SCFD2: variants seen among roughly 807,000 people sequenced by gnomAD.
The protein encoded by SCFD2 is sec1 family domain containing 2, also known as sec1 family domain-containing protein 2.
A neutral mutation model predicts 58.9 loss-of-function variants in SCFD2; 54 were observed. That is an observed-to-expected ratio of 0.92 (90% CI 0.74 to 1.15). SCFD2 has a LOEUF of 1.15. Ranked by LOEUF, SCFD2 falls within the 50% of genes most tolerant of loss-of-function variation. The pLI is 0.00. For missense variants in SCFD2, 805 were observed against 836.6 expected, an observed-to-expected ratio of 0.96 and a Z score of 0.47; for synonymous variants, 321 against 335.9, an observed-to-expected ratio of 0.96 and a Z score of 0.49.
At chr4:53,229,660 G>T (rs1471625034) in intron 4 of SCFD2, among the ~76,000 whole-genome samples, 8 of 152,048 alleles carry the variant, frequency 5.3e-5, no homozygotes, top group South Asian at 4.2e-4. Flanking sequence ...CCTAAAACCA[G>T]GAAAACCCTA....
chr4:53,077,239 C>T (rs892378747), intron 5 of SCFD2, among the ~76,000 whole-genome samples: 3 of 152,052 alleles, frequency 2.0e-5, no homozygotes, highest in Non-Finnish European at 2.9e-5. Context: ...TAATAGAATT[C>T]CTTTAAGTGC....
At chr4:53,339,205 G>A (rs1277928534) in intron 2 of SCFD2, among the ~76,000 whole-genome samples, 1 of 151,976 alleles carries the variant, frequency 6.6e-6, no homozygotes, top group Non-Finnish European at 1.5e-5. Context: ...GAAATATTAA[G>A]ATGACTAAAT....
intron 4 of SCFD2, among the ~76,000 whole-genome samples, chr4:53,161,920 G>A (rs1200272459): frequency 2.0e-5 from 3 of 152,052 alleles, no homozygotes; most frequent in Non-Finnish European, 2.9e-5. Context: ...TGATTCTGTT[G>A]GCCCCAGGTT....
intron 4 of SCFD2, among the ~76,000 whole-genome samples, chr4:53,208,969 G>C (rs1236960892): frequency 6.6e-6 from 1 of 152,064 alleles, no homozygotes; most frequent in African/African-American, 2.4e-5. Flanking sequence ...ACAAACCCTA[G>C]TTTGAATTCC....
intron 4 of SCFD2, among the ~76,000 whole-genome samples, chr4:53,201,440 A>T (rs1052809346): frequency 3.9e-5 from 6 of 151,990 alleles, no homozygotes; most frequent in Non-Finnish European, 8.8e-5. Flanking sequence ...GACATTTGGG[A>T]TGGTTTCAAG....
intron 4 of SCFD2, among the ~76,000 whole-genome samples, chr4:53,229,098 C>T (rs1383285043): frequency 6.6e-6 from 1 of 152,114 alleles, no homozygotes; most frequent in Non-Finnish European, 1.5e-5. Flanking sequence ...GAACTACAAA[C>T]CACTGCTCAA....
At chr4:53,363,605 G>A (rs1431766350) in intron 1 of SCFD2, among the ~76,000 whole-genome samples, 2 of 152,028 alleles carry the variant, frequency 1.3e-5, no homozygotes, top group Non-Finnish European at 2.9e-5. Context: ...AGGCCGAGGC[G>A]GGTGGATCAC....
intron 3 of SCFD2, among the ~76,000 whole-genome samples, chr4:53,308,143 T>A (rs1732573636): frequency 6.6e-6 from 1 of 152,214 alleles, no homozygotes; most frequent in African/African-American, 2.4e-5. Context: ...GCCTGTGAAA[T>A]GGGACTTTTA....
chr4:52,995,776 G>A (rs1206418832), intron 5 of SCFD2, among the ~76,000 whole-genome samples: 2 of 152,178 alleles, frequency 1.3e-5, no homozygotes, highest in Admixed American at 6.5e-5. Flanking sequence ...TAAATAGCAC[G>A]GTGGTTATAA....
chr4:53,268,454 A>G (rs926737230), intron 4 of SCFD2, among the ~76,000 whole-genome samples: 2 of 152,188 alleles, frequency 1.3e-5, no homozygotes, highest in Non-Finnish European at 2.9e-5. Context: ...AGCAGGTGAC[A>G]AAAGGTATCC....
chr4:53,315,198 A>G (rs1365197179), intron 2 of SCFD2, among the ~76,000 whole-genome samples: 1 of 151,878 alleles, frequency 6.6e-6, no homozygotes, highest in African/African-American at 2.4e-5. Context: ...CATAAGCTCT[A>G]AAAGCAGCCT....
intron 5 of SCFD2, among the ~76,000 whole-genome samples, chr4:52,998,023 G>C (rs572337667): frequency 1.1e-4 from 16 of 152,182 alleles, no homozygotes; most frequent in Middle Eastern, 3.4e-3. Context: ...TAAATGCAAG[G>C]GACTTTTGAG....
At chr4:53,347,838 G>C (rs538459783) in intron 2 of SCFD2, among the ~76,000 whole-genome samples, 1 of 152,352 alleles carries the variant, frequency 6.6e-6, no homozygotes, top group African/African-American at 2.4e-5. Context: ...AGAGCAATGG[G>C]AGAGAAAGAT....
intron 5 of SCFD2, among the ~76,000 whole-genome samples, chr4:53,076,583 G>A (rs1723982776): frequency 6.6e-6 from 1 of 152,064 alleles, no homozygotes; most frequent in Non-Finnish European, 1.5e-5. Context: ...CAGAGGTGTT[G>A]GTGAAATATT....
chr4:53,324,487 G>T (rs1733120624), intron 2 of SCFD2, among the ~76,000 whole-genome samples: 1 of 149,834 alleles, frequency 6.7e-6, no homozygotes, highest in Admixed American at 6.7e-5. Context: ...AAAGGAAGAA[G>T]TTCTTATACT....
rs191695730 is a variant in SCFD2, at chr4:53,210,846, C to T, written c.1311+62980G>A. ...CTCCTTTCACCTACCCAAGGCAGCA[C>T]TCTAATCTTCCCCTGCCTTTCTGTT... On this transcript the variant is annotated intron_variant, in intron 4 of 8. Coordinates refer to ENST00000401642, the MANE Select transcript of SCFD2 (RefSeq NM_152540.4). 3.6e-3 allele frequency among the ~76,000 whole-genome samples: 554 copies of T among 152,096 alleles called. 7 individuals carry two copies. Among genetic ancestry groups the T allele is most frequent in the African/African-American group, 0.013 (535 of 41,410 alleles).
intron 5 of SCFD2, among the ~76,000 whole-genome samples, chr4:53,098,285 G>C (rs1465577384): frequency 6.6e-6 from 1 of 152,186 alleles, no homozygotes; most frequent in Non-Finnish European, 1.5e-5. Flanking sequence ...AGTTTCAGAA[G>C]GAATGGTACC....
rs1186857980 is a variant in SCFD2, at chr4:53,022,058, T to G, written c.1562-101188A>C. The stretch of plus-strand genomic sequence containing the variant: ...AAATGCCAATGGGGATGTTGTCAGG[T>G]GATTTGTGTTGTTGTCAGAAACACT... On this transcript the variant is annotated intron_variant, in intron 5 of 8. Transcript: ENST00000401642. 3.3e-5 allele frequency among the ~76,000 whole-genome samples: 5 copies of G among 152,154 alleles called. No individual in the cohort carries two copies. The East Asian group carries it at 9.6e-4, about 29-fold the overall frequency.
chr4:53,228,571 C>T (rs148576135), intron 4 of SCFD2, among the ~76,000 whole-genome samples: 6 of 152,230 alleles, frequency 3.9e-5, no homozygotes, highest in Middle Eastern at 3.4e-3. Context: ...AATTCAACAA[C>T]ACTTCATGCT....
Sources: allele counts gnomAD v4.1 joint callset (sites outside exome capture counted in the v4.1 genomes callset), GRCh38; gene constraint gnomAD v4.1.1; transcripts MANE v1.5; gene names NCBI Gene and HGNC (gene_info 2026-07-23, HGNC 2026-07-21).